CTNNBL1: variants seen among roughly 807,000 people sequenced by gnomAD.
CTNNBL1 encodes the protein beta-catenin-like protein 1.
A neutral mutation model predicts 72.7 loss-of-function variants in CTNNBL1; 31 were observed. The ratio of observed to expected loss-of-function variants is 0.43; its 90% CI spans 0.32 to 0.58. The LOEUF (loss-of-function observed/expected upper bound fraction) is 0.58, where lower values mean the gene tolerates loss of function less well. CTNNBL1 is among the 20% of genes least tolerant of loss of function. CTNNBL1 has a pLI of 0.08. For synonymous variants in CTNNBL1, 240 were observed against 267.3 expected (o/e 0.90, Z 1.00); for missense variants, 534 against 725.1 (o/e 0.74, Z 3.03).
At chr20:37,847,967 G>C (rs151319219) in intron 13 of CTNNBL1, 2 of 152,688 alleles carry the variant, frequency 1.3e-5, no homozygotes, top group African/African-American at 4.8e-5. Flanking sequence ...TATATGGAAG[G>C]GGGTGAAGTG....
At chr20:37,807,357 T>C (rs1401681024) in intron 11 of CTNNBL1, among the ~76,000 whole-genome samples, 1 of 152,010 alleles carries the variant, frequency 6.6e-6, no homozygotes, top group African/African-American at 2.4e-5. Flanking sequence ...CACATACCCA[T>C]GGGGATGGCC....
At chr20:37,714,748 GT>G (rs2122564971) in intron 1 of CTNNBL1, among the ~76,000 whole-genome samples, 1 of 152,322 alleles carries the variant, frequency 6.6e-6, no homozygotes, top group East Asian at 1.9e-4. Context: ...TTTATTTTGT[GT>G]TGGTTGGATC....
At chr20:37,840,315 C>A in intron 12 of CTNNBL1, 116 bp downstream of exon 12, 1 of 720,452 alleles carries the variant, frequency 1.4e-6, no homozygotes. Flanking sequence ...TCTTTTCTGG[C>A]ACCTGGGCCC....
intron 1 of CTNNBL1, among the ~76,000 whole-genome samples, chr20:37,726,823 A>AT (rs1040235921): frequency 4.7e-4 from 71 of 152,326 alleles, no homozygotes; most frequent in African/African-American, 1.6e-3. Flanking sequence ...ACATGCACAC[A>AT]TTTACACTTT....
At chr20:37,863,751 T>C (rs967912640) in intron 15 of CTNNBL1, among the ~76,000 whole-genome samples, 1 of 152,216 alleles carries the variant, frequency 6.6e-6, no homozygotes, top group South Asian at 2.1e-4. Context: ...ACAGCGGACA[T>C]TCTCATTAGT....
At chr20:37,734,428 T>C (rs1049935532) in intron 2 of CTNNBL1, among the ~76,000 whole-genome samples, 1 of 152,210 alleles carries the variant, frequency 6.6e-6, no homozygotes, top group Non-Finnish European at 1.5e-5. Context: ...CTGCTCAATC[T>C]GTTAGCCCTG....
At chr20:37,802,032 G>C (rs1050230972) in intron 10 of CTNNBL1, among the ~76,000 whole-genome samples, 1 of 152,190 alleles carries the variant, frequency 6.6e-6, no homozygotes, top group Non-Finnish European at 1.5e-5. Context: ...ATTTCTATAC[G>C]CTTGGAGTGA....
At chr20:37,837,649 A>T (rs1168945644) in intron 11 of CTNNBL1, among the ~76,000 whole-genome samples, 1 of 117,958 alleles carries the variant, frequency 8.5e-6, no homozygotes, top group Non-Finnish European at 1.7e-5. Flanking sequence ...TGGGCTAGGC[A>T]TTATATATAA....
chr20:37,761,277 T>TC (rs1353199054), intron 5 of CTNNBL1, among the ~76,000 whole-genome samples: 1 of 152,284 alleles, frequency 6.6e-6, no homozygotes, highest in East Asian at 1.9e-4. Flanking sequence ...TTTATAGAGT[T>TC]CCACAAAAAG....
At chr20:37,777,851 C>T (rs549543160) in intron 9 of CTNNBL1, 139 bp downstream of exon 9, 5 of 818,416 alleles carry the variant, frequency 6.1e-6, no homozygotes, top group African/African-American at 3.4e-5. Context: ...GAGGGTTATA[C>T]GGAGGGACAT....
chr20:37,707,784 T>A (rs946768355), intron 1 of CTNNBL1, among the ~76,000 whole-genome samples: 4 of 152,236 alleles, frequency 2.6e-5, no homozygotes, highest in African/African-American at 9.6e-5. Flanking sequence ...CATCCTTTCC[T>A]CACTAAAGCT....
chr20:37,861,474 T>C (rs2072491139), intron 15 of CTNNBL1, among the ~76,000 whole-genome samples: 1 of 152,088 alleles, frequency 6.6e-6, no homozygotes, highest in Non-Finnish European at 1.5e-5. Flanking sequence ...GTTCAGGGAG[T>C]GTCCAGATGG....
chr20:37,697,030 A>G (rs2072799199), intron 1 of CTNNBL1, among the ~76,000 whole-genome samples: 3 of 151,704 alleles, frequency 2.0e-5, no homozygotes, highest in Non-Finnish European at 4.4e-5. Flanking sequence ...AAAAATATAA[A>G]AAATTAGCCG....
chr20:37,778,339 A>G (rs1276165367), intron 9 of CTNNBL1, among the ~76,000 whole-genome samples: 1 of 152,182 alleles, frequency 6.6e-6, no homozygotes, highest in Non-Finnish European at 1.5e-5. Flanking sequence ...GATCATTTGG[A>G]TAAAATCTTA....
At chr20:37,782,951 G>T (rs1283000954) in intron 10 of CTNNBL1, among the ~76,000 whole-genome samples, 3 of 152,062 alleles carry the variant, frequency 2.0e-5, no homozygotes, top group South Asian at 2.1e-4. Context: ...TAGTTTCTCA[G>T]TTACAATAGC....
intron 4 of CTNNBL1, among the ~76,000 whole-genome samples, chr20:37,752,744 C>T (rs1340054913): frequency 6.6e-6 from 1 of 152,024 alleles, no homozygotes; most frequent in Non-Finnish European, 1.5e-5. Context: ...CATTTCGTGC[C>T]CAGCTGGTCT....
intron 1 of CTNNBL1, among the ~76,000 whole-genome samples, chr20:37,725,504 C>T (rs1445688801): frequency 2.0e-5 from 3 of 147,948 alleles, no homozygotes; most frequent in South Asian, 2.2e-4. Flanking sequence ...TCGGGTTAGT[C>T]AAGATGGTCT....
At position 37,760,688 on chromosome 20, in the gene CTNNBL1, T is replaced by C. The variant is rs148263648; in HGVS notation, c.564+3032T>C. Reference sequence around the variant, plus strand: ...TGCCTATCATACAGTACCAAAGTGATGAACAAGTGAGATATTTAATAAGTC... The same window carrying C: ...TGCCTATCATACAGTACCAAAGTGACGAACAAGTGAGATATTTAATAAGTC... On this transcript the variant is annotated intron_variant, in intron 5 of 15. Coordinates refer to ENST00000361383, the MANE Select transcript of CTNNBL1 (RefSeq NM_030877.5). Among the ~76,000 whole-genome samples the C allele has an allele frequency of 6.0e-3, 907 of 152,308 alleles. 6 individuals carry two copies. Among genetic ancestry groups the C allele is most frequent in the African/African-American group, 0.021 (865 of 41,560 alleles).
chr20:37,839,683 G>C (rs570293007), intron 11 of CTNNBL1, among the ~76,000 whole-genome samples: 2 of 152,272 alleles, frequency 1.3e-5, no homozygotes, highest in Admixed American at 6.5e-5. Flanking sequence ...ACTTGGGAAA[G>C]TTATAAGGTA....
Sources: allele counts gnomAD v4.1 joint callset (sites outside exome capture counted in the v4.1 genomes callset), GRCh38; gene constraint gnomAD v4.1.1; transcripts MANE v1.5; gene names NCBI Gene and HGNC (gene_info 2026-07-23, HGNC 2026-07-21).